Variants in ARID2 observed in about 807,000 individuals in gnomAD.
ARID2 encodes AT-rich interaction domain 2, also known as AT-rich interactive domain-containing protein 2.
In ARID2, 32 loss-of-function variants were observed where a neutral mutation model predicts 184.6. The observed-to-expected ratio is 0.17, with a 90% CI of 0.13 to 0.23. ARID2 has a LOEUF of 0.23. ARID2 is among the 10% of genes least tolerant of loss of function. ARID2 has a pLI of 1.00. For missense variants in ARID2, 1,696 were observed against 2,197.6 expected (o/e 0.77, Z 4.56); for synonymous variants, 836 against 772.6 (o/e 1.08, Z -1.36).
At chr12:45,883,064 A>G (rs1944130589) in intron 16 of ARID2, among the ~76,000 whole-genome samples, 1 of 152,130 alleles carries the variant, frequency 6.6e-6, no homozygotes, top group Non-Finnish European at 1.5e-5. Flanking sequence ...AATACTAGAT[A>G]TTTTGCTAAT....
intron 3 of ARID2, among the ~76,000 whole-genome samples, chr12:45,810,323 A>T (rs540109959): frequency 2.0e-5 from 3 of 152,180 alleles, no homozygotes; most frequent in African/African-American, 7.2e-5. Flanking sequence ...TAATATTAAG[A>T]TTGATTATAC....
At chr12:45,782,167 C>T (rs1010075117) in intron 3 of ARID2, among the ~76,000 whole-genome samples, 8 of 151,858 alleles carry the variant, frequency 5.3e-5, no homozygotes, top group African/African-American at 1.9e-4. Flanking sequence ...GGATTTGGCA[C>T]ATGCTACAAA....
At chr12:45,875,625 G>T (rs247923) in intron 16 of ARID2, among the ~76,000 whole-genome samples, 1 of 152,340 alleles carries the variant, frequency 6.6e-6, no homozygotes, top group Non-Finnish European at 1.5e-5. Flanking sequence ...GTTGCTTAGT[G>T]TAGCATTCTT....
intron 3 of ARID2, among the ~76,000 whole-genome samples, chr12:45,791,816 G>T (rs1942297756): frequency 6.6e-6 from 1 of 152,122 alleles, no homozygotes; most frequent in Non-Finnish European, 1.5e-5. Context: ...CAAGAAAGTT[G>T]TCTGCAATCT....
At chr12:45,835,623 C>T (rs947831562) in intron 6 of ARID2, among the ~76,000 whole-genome samples, 6 of 152,096 alleles carry the variant, frequency 3.9e-5, no homozygotes, top group South Asian at 4.1e-4. Flanking sequence ...ATTTCCAGGC[C>T]GGGCGCTGTG....
intron 6 of ARID2, among the ~76,000 whole-genome samples, chr12:45,830,653 A>C (rs1324415154): frequency 6.6e-6 from 1 of 152,150 alleles, no homozygotes. Context: ...TAACTCCAGA[A>C]AATTAGTGAT....
At chr12:45,745,900 C>T (rs1360256627) in intron 3 of ARID2, among the ~76,000 whole-genome samples, 1 of 152,024 alleles carries the variant, frequency 6.6e-6, no homozygotes, top group Non-Finnish European at 1.5e-5. Context: ...AGAAAAAACA[C>T]TTTTTACTGC....
At position 45,905,474 on chromosome 12, in the gene ARID2, AAGG is replaced by A. The variant is rs1281943637; in HGVS notation, c.*399_*401del. On this transcript the variant is annotated 3_prime_UTR_variant, in exon 21 of 21. Coordinates refer to ENST00000334344, the MANE Select transcript of ARID2 (RefSeq NM_152641.4). ...TTAAATATTTTTATCTATATCCAAA[AAGG>A]AGCACATTTTTATATTTACAAAACC... is the stretch of plus-strand genomic sequence containing the variant. 6 of 234,110 alleles carry A rather than the reference AAGG, an allele frequency of 2.6e-5. No homozygotes were observed. The highest frequency in any genetic ancestry group is 5.1e-5 in the Non-Finnish European group (6 of 118,542). The allele number at this position is 234,110 out of a possible 1,614,324, so 14.5% of individuals were successfully genotyped here.
chr12:45,811,685 A>G (rs1477551018), intron 4 of ARID2, 134 bp downstream of exon 4: 4 of 887,718 alleles, frequency 4.5e-6, no homozygotes, highest in Admixed American at 3.7e-5. Context: ...GCTTTCAAAG[A>G]TTGACATCTA....
chr12:45,889,687 C>T (rs908665563), intron 16 of ARID2, among the ~76,000 whole-genome samples: 4 of 152,250 alleles, frequency 2.6e-5, no homozygotes, highest in Non-Finnish European at 5.9e-5. Context: ...CGCCTGTAAT[C>T]CCAACACTTT....
intron 16 of ARID2, among the ~76,000 whole-genome samples, chr12:45,877,605 C>T (rs1479643921): frequency 6.6e-6 from 1 of 151,988 alleles, no homozygotes; most frequent in Non-Finnish European, 1.5e-5. Context: ...CCCCCCAACC[C>T]CTGGTCCATG....
intron 16 of ARID2, chr12:45,882,004 TG>T (rs1258964833): frequency 5.2e-6 from 1 of 190,686 alleles, no homozygotes; most frequent in African/African-American, 2.4e-5. Flanking sequence ...GTGACTTCCC[TG>T]TCTGTCTGTC....
At chr12:45,891,981 C>G (rs2138232975) in intron 17 of ARID2, 30 bp from the exon 18 acceptor site, 1 of 1,613,940 alleles carries the variant, frequency 6.2e-7, no homozygotes, top group Non-Finnish European at 8.5e-7. Flanking sequence ...TTTTGACGTG[C>G]CATTCTCTTG....
chr12:45,904,689 C>CA (rs755707280), intron 20 of ARID2, among the ~76,000 whole-genome samples: 3,145 of 33,638 alleles, frequency 0.093, 152 homozygotes, highest in Non-Finnish European at 0.12. Context: ...GACTCCTTCT[C>CA]AAAAAAAAAA....
At position 45,892,055 on chromosome 12, in the gene ARID2, A is replaced by C. The variant is rs2138233246; in HGVS notation, c.5106A>C (p.Gln1702His). 6.2e-7 allele frequency: 1 copy of C among 1,614,172 alleles called. No individual in the cohort carries two copies. Among genetic ancestry groups the C allele is most frequent in the Non-Finnish European group, 8.5e-7 (1 of 1,180,000 alleles). Reference sequence around the variant, plus strand: ...ATGCCCTACTTGCAGGATTAAAACAAGATGAACCAGGACAAGCAGGAAGTC... The same window carrying C: ...ATGCCCTACTTGCAGGATTAAAACACGATGAACCAGGACAAGCAGGAAGTC... ...SKDALLAGLK[Q>H]DEPGQAGSQK... The change falls in exon 18 of 21, where the codon CAA (glutamine) becomes CAC (histidine). Residue 1702 changes from glutamine (Q) to histidine (H), a missense_variant. Physicochemically the swap from Gln to His is conservative, Grantham distance 24. Coordinates refer to ENST00000334344, the MANE Select transcript of ARID2 (RefSeq NM_152641.4).
At chr12:45,899,039 T>A (rs1364323207) in intron 20 of ARID2, among the ~76,000 whole-genome samples, 1 of 149,798 alleles carries the variant, frequency 6.7e-6, no homozygotes, top group African/African-American at 2.5e-5. Context: ...TTTGGGAGGC[T>A]GAGGCAGGTG....
intron 7 of ARID2, 29 bp from the exon 8 acceptor site, chr12:45,836,712 T>C: frequency 6.3e-7 from 1 of 1,599,472 alleles, no homozygotes; most frequent in Non-Finnish European, 8.5e-7. Flanking sequence ...AAATGAAATA[T>C]TAAGTGAAAT....
In ARID2 at chr12:45,906,125, A is replaced by G. The variant is rs1944528024; in HGVS notation, c.*1047A>G. Reference sequence around the variant, plus strand: ...TCGTGTACAAGCTCAGAGCTTGGACAGAATTTTTTGTATTTGTAAATTGGT... The same window carrying G: ...TCGTGTACAAGCTCAGAGCTTGGACGGAATTTTTTGTATTTGTAAATTGGT... On this transcript the variant is annotated 3_prime_UTR_variant, in exon 21 of 21. Coordinates refer to ENST00000334344, the MANE Select transcript of ARID2 (RefSeq NM_152641.4). The G allele has an allele frequency of 8.6e-6, 2 of 232,642 alleles. No individual in the cohort carries two copies. The highest frequency in any genetic ancestry group is 1.1e-4 in the Admixed American group (2 of 17,764). 14.4% of individuals were successfully genotyped at this position (232,642 alleles called of 1,614,324 possible). A position where few individuals can be genotyped will look rare whatever the true frequency, so the allele number is the denominator to read the frequency against.
At chr12:45,880,590 C>A (rs577458184) in intron 16 of ARID2, among the ~76,000 whole-genome samples, 6 of 152,274 alleles carry the variant, frequency 3.9e-5, no homozygotes, top group African/African-American at 1.2e-4. Flanking sequence ...TCAGTTGCCT[C>A]ATGGATAAGA....
Sources: gnomAD v4.1 joint callset for allele counts (sites outside exome capture counted in the v4.1 genomes callset) on GRCh38, gnomAD v4.1.1 for gene constraint, MANE v1.5 for transcripts, NCBI Gene and HGNC (gene_info 2026-07-23, HGNC 2026-07-21) for gene names.